Variants in DOP1B observed in about 807,000 individuals in gnomAD.
The protein encoded by DOP1B is protein DOP1B.
Under a neutral mutation model 233.5 loss-of-function variants are expected in DOP1B, and 174 were observed. The ratio of observed to expected loss-of-function variants is 0.75; its 90% CI spans 0.66 to 0.85. The LOEUF is 0.85. Among genes scored for constraint, DOP1B ranks in the 40% least tolerant of loss-of-function variants. The pLI, the probability that DOP1B is intolerant of heterozygous loss-of-function variation, is 0.00. For synonymous variants in DOP1B, 1,190 were observed against 1,185.6 expected (o/e 1.00, Z -0.08); for missense variants, 2,652 against 2,846.6 (o/e 0.93, Z 1.56).
At chr21:36,177,242 G>A (rs2066042006) in intron 2 of DOP1B, among the ~76,000 whole-genome samples, 1 of 152,192 alleles carries the variant, frequency 6.6e-6, no homozygotes, top group Non-Finnish European at 1.5e-5. Context: ...AAGGAGCTGA[G>A]GGTGTTCAAG....
intron 16 of DOP1B, among the ~76,000 whole-genome samples, chr21:36,238,174 A>T (rs1012257880): frequency 3.9e-5 from 6 of 152,224 alleles, no homozygotes; most frequent in Non-Finnish European, 8.8e-5. Context: ...CTCAAAAAAT[A>T]AATAAATAAA....
At chr21:36,226,768 A>AT (rs1330594206) in intron 12 of DOP1B, among the ~76,000 whole-genome samples, 1 of 151,896 alleles carries the variant, frequency 6.6e-6, no homozygotes, top group Non-Finnish European at 1.5e-5. Flanking sequence ...TAGTTTTAGT[A>AT]TTTTTTGTAG....
At chr21:36,262,979 A>C (rs1328635611) in intron 24 of DOP1B, among the ~76,000 whole-genome samples, 1 of 151,980 alleles carries the variant, frequency 6.6e-6, no homozygotes, top group African/African-American at 2.4e-5. Context: ...TCACGCCTGT[A>C]ATCCCAGCAC....
rs201763156 is a variant in DOP1B, at chr21:36,289,104, T to C, written c.6413T>C (p.Val2138Ala). The C allele has an allele frequency of 1.8e-5, 29 of 1,613,954 alleles. No homozygotes were observed. The Admixed American group carries it at 4.3e-4, about 24-fold the overall frequency. The stretch of plus-strand genomic sequence containing the variant: ...GTCCCGGATGCAAATGGACCCTCAG[T>C]GGGGGAGATACCCCAGAGTGAACTC... ...VSVPDANGPS[V>A]GEIPQSELIL... Residue 2138 changes from valine to alanine, a missense_variant, in exon 35 of 37, where the codon GTG (valine) becomes GCG (alanine). Coordinates refer to ENST00000691173, the MANE Select transcript of DOP1B (RefSeq NM_001320714.2).
In DOP1B at chr21:36,236,743, G is replaced by A. The variant is rs374585704; in HGVS notation, c.2623-519G>A. Among the ~76,000 whole-genome samples, 31 of 149,082 alleles carry A rather than the reference G, an allele frequency of 2.1e-4. No homozygotes were observed. In the East Asian group the frequency reaches 5.4e-3, roughly 26 times the overall value. ...CCTGCTGCCTGGATGACTTTGGTGG[G>A]TTTTTCCTTTTTTTCTTTTTTCTTT... On this transcript the variant is annotated intron_variant, in intron 15 of 36. Coordinates refer to ENST00000691173, the MANE Select transcript of DOP1B (RefSeq NM_001320714.2).
intron 5 of DOP1B, among the ~76,000 whole-genome samples, chr21:36,209,934 T>G (rs2066474851): frequency 6.6e-6 from 1 of 152,152 alleles, no homozygotes; most frequent in Non-Finnish European, 1.5e-5. Context: ...AAATGGGGGT[T>G]GTAGACCTGC....
At chr21:36,261,409 G>A (rs908779548) in intron 24 of DOP1B, 17 of 991,960 alleles carry the variant, frequency 1.7e-5, no homozygotes, top group Non-Finnish European at 2.0e-5. Flanking sequence ...TTCTGGTGGC[G>A]TTCTCAGTGT....
intron 12 of DOP1B, 90 bp downstream of exon 12, chr21:36,225,757 G>C (rs1246016122): frequency 3.0e-6 from 4 of 1,314,102 alleles, no homozygotes; most frequent in Non-Finnish European, 4.3e-6. Context: ...TCACATTACT[G>C]AAAATGTTTT....
intron 24 of DOP1B, chr21:36,261,486 T>C: frequency 1.0e-6 from 1 of 985,464 alleles, no homozygotes; most frequent in Non-Finnish European, 1.2e-6. Context: ...GTATTAGGTG[T>C]CTCAGCTAAG....
chr21:36,201,021 C>G (rs1431494311), intron 4 of DOP1B, among the ~76,000 whole-genome samples: 5 of 152,084 alleles, frequency 3.3e-5, no homozygotes, highest in African/African-American at 4.8e-5. Context: ...ATCCTTTAGG[C>G]GGAGAGAAAT....
chr21:36,280,032 C>T (rs142209200), intron 30 of DOP1B, among the ~76,000 whole-genome samples: 8 of 152,246 alleles, frequency 5.3e-5, no homozygotes, highest in East Asian at 3.9e-4. Context: ...TGCGCCACCA[C>T]GCCCTGCTAA....
chr21:36,194,325 C>T (rs1027448739), intron 2 of DOP1B, among the ~76,000 whole-genome samples: 11 of 152,140 alleles, frequency 7.2e-5, no homozygotes, highest in African/African-American at 2.7e-4. Context: ...ATGCTTGAAC[C>T]TGTATGCTTG....
chr21:36,243,344 C>T (rs1006689700), intron 18 of DOP1B, among the ~76,000 whole-genome samples: 1 of 150,990 alleles, frequency 6.6e-6, no homozygotes, highest in African/African-American at 2.4e-5. Context: ...ACTTTTGACT[C>T]ACTAATTTTT....
intron 2 of DOP1B, among the ~76,000 whole-genome samples, chr21:36,177,589 C>A (rs1458459165): frequency 6.6e-6 from 1 of 152,082 alleles, no homozygotes; most frequent in Non-Finnish European, 1.5e-5. Flanking sequence ...AAAAGGTGAC[C>A]AGACCATGAG....
At chr21:36,248,323 G>A in intron 20 of DOP1B, 57 bp from the exon 21 acceptor site, 1 of 1,581,876 alleles carries the variant, frequency 6.3e-7, no homozygotes, top group African/African-American at 1.3e-5. Flanking sequence ...TGCCCTCGTG[G>A]GAAGAAAAAC....
intron 21 of DOP1B, among the ~76,000 whole-genome samples, chr21:36,250,158 G>C (rs922510307): frequency 6.6e-6 from 1 of 152,142 alleles, no homozygotes; most frequent in South Asian, 2.1e-4. Context: ...CGGGGAGCGG[G>C]ACCCCACATT....
intron 23 of DOP1B, among the ~76,000 whole-genome samples, chr21:36,258,785 G>GAGAGA (rs567083206): frequency 1.3e-5 from 2 of 152,152 alleles, no homozygotes; most frequent in Non-Finnish European, 2.9e-5. Flanking sequence ...TGGCAAAGAA[G>GAGAGA]AGAGAAGAGA....
intron 27 of DOP1B, among the ~76,000 whole-genome samples, chr21:36,271,268 CAGGTTGGAGTT>C (rs1168034802): frequency 1.3e-5 from 2 of 150,752 alleles, no homozygotes; most frequent in African/African-American, 4.9e-5. Flanking sequence ...GGAGTTCACC[CAGGTTGGAGTT>C]CACCCAGGTT....
chr21:36,202,272 C>CA, intron 4 of DOP1B, among the ~76,000 whole-genome samples: 1 of 152,186 alleles, frequency 6.6e-6, no homozygotes, highest in Non-Finnish European at 1.5e-5. Flanking sequence ...AGTAAGAACT[C>CA]ACTTCCAGCT....
Sources: gnomAD v4.1 joint callset for allele counts (sites outside exome capture counted in the v4.1 genomes callset) on GRCh38, gnomAD v4.1.1 for gene constraint, MANE v1.5 for transcripts, NCBI Gene and HGNC (gene_info 2026-07-23, HGNC 2026-07-21) for gene names.